Variants in CDC37L1 observed in about 807,000 individuals in gnomAD.
The protein encoded by CDC37L1 is cell division cycle 37 like 1, HSP90 cochaperone.
CDC37L1 carries 32 observed loss-of-function variants against 45.9 expected under a neutral mutation model. The ratio of observed to expected loss-of-function variants is 0.70; its 90% CI spans 0.53 to 0.94. The LOEUF is 0.94. CDC37L1 is among the 40% of genes least tolerant of loss of function. CDC37L1 has a pLI of 0.00. For synonymous variants in CDC37L1, 150 were observed against 133.0 expected (o/e 1.13, Z -0.88); for missense variants, 434 against 405.7 (o/e 1.07, Z -0.60).
intron 3 of CDC37L1, among the ~76,000 whole-genome samples, chr9:4,692,516 C>G (rs1020123335): frequency 4.6e-5 from 7 of 152,034 alleles, no homozygotes; most frequent in Admixed American, 4.6e-4. Flanking sequence ...ATGATCCGCC[C>G]GCCTCGGCCT....
chr9:4,705,868 C>A, intron 6 of CDC37L1, 143 bp from the exon 7 acceptor site: 1 of 413,080 alleles, frequency 2.4e-6, no homozygotes, highest in Non-Finnish European at 4.4e-6. Context: ...AAGTCTGTCT[C>A]CAAAGTCCAT....
At chr9:4,698,583 A>C (rs1237199940) in intron 5 of CDC37L1, among the ~76,000 whole-genome samples, 1 of 151,894 alleles carries the variant, frequency 6.6e-6, no homozygotes, top group Non-Finnish European at 1.5e-5. Context: ...TAGTGGAAGT[A>C]TAAATTGGAA....
rs1375982872 is a variant in CDC37L1 at position 4,697,630 on chromosome 9, G to GTA, written c.625-126_625-125dup. 4 of 564,018 alleles carry GTA rather than the reference G, an allele frequency of 7.1e-6. No individual in the cohort carries two copies. In the African/African-American group the frequency reaches 7.6e-5, roughly 11 times the overall value. The allele number at this position is 564,018 out of a possible 1,614,324, so 34.9% of individuals were successfully genotyped here. A position where few individuals can be genotyped will look rare whatever the true frequency, so the allele number is the denominator to read the frequency against. On this transcript the variant is annotated intron_variant, in intron 4 of 6. Transcript: ENST00000381854. ...ACTAAGATATACTCTTTATATGTTT[G>GTA]TAAAGTATTTGACTTATAACTTAAG...
intron 3 of CDC37L1, among the ~76,000 whole-genome samples, chr9:4,696,363 G>C (rs191421227): frequency 6.6e-6 from 1 of 152,088 alleles, no homozygotes; most frequent in Non-Finnish European, 1.5e-5. Flanking sequence ...TATTCAGTTA[G>C]CCAGGCACAG....
At chr9:4,694,672 AC>A in intron 3 of CDC37L1, among the ~76,000 whole-genome samples, 1 of 152,102 alleles carries the variant, frequency 6.6e-6, no homozygotes, top group Non-Finnish European at 1.5e-5. Flanking sequence ...GGAGTTCGAG[AC>A]CAGCCTGATC....
chr9:4,690,909 C>A (rs533143889), intron 3 of CDC37L1, among the ~76,000 whole-genome samples: 1 of 152,306 alleles, frequency 6.6e-6, no homozygotes, highest in Admixed American at 6.5e-5. Context: ...AACAAGAGAC[C>A]TGGAATACCT....
chr9:4,680,616 A>G (rs1475903924), intron 1 of CDC37L1, among the ~76,000 whole-genome samples: 1 of 48,678 alleles, frequency 2.1e-5, no homozygotes, highest in African/African-American at 2.0e-4. Flanking sequence ...TCCAAATGTG[A>G]TATACTATTA....
chr9:4,688,757 A>T (rs1015021363), intron 3 of CDC37L1, 151 bp downstream of exon 3: 3 of 380,210 alleles, frequency 7.9e-6, no homozygotes, highest in African/African-American at 4.4e-5. Flanking sequence ...TTGTTTTAGA[A>T]TTTTTTTTTT....
chr9:4,700,537 T>C (rs944695131), intron 5 of CDC37L1, among the ~76,000 whole-genome samples: 1 of 152,230 alleles, frequency 6.6e-6, no homozygotes, highest in Admixed American at 6.5e-5. Context: ...AACTGGTGTT[T>C]AATAAAATAA....
intron 2 of CDC37L1, among the ~76,000 whole-genome samples, chr9:4,687,332 G>A (rs1054874295): frequency 5.9e-5 from 9 of 152,014 alleles, no homozygotes; most frequent in African/African-American, 2.2e-4. Flanking sequence ...ATAGAAATTT[G>A]TACTTGACTT....
chr9:4,697,827 A>G lies in CDC37L1; in HGVS notation c.695A>G (p.Asn232Ser), dbSNP rs750511751. 1 of 1,612,490 alleles carries G rather than the reference A, an allele frequency of 6.2e-7. No individual in the cohort carries two copies. Among genetic ancestry groups the G allele is most frequent in the East Asian group, 2.2e-5 (1 of 44,820 alleles). ...CAGTTTATTATGGAAATGGCCAAAA[A>G]CTGTAATGTGGATCCAAGAGGGTGT... ...VMQFIMEMAK[N>S]CNVDPRGCFR... The change falls in exon 5 of 7, where the codon AAC becomes AGC. Residue 232 changes from asparagine to serine, a missense_variant. Asn to Ser is a conservative substitution (Grantham distance 46). Coordinates refer to ENST00000381854, the MANE Select transcript of CDC37L1 (RefSeq NM_017913.4).
intron 3 of CDC37L1, 60 bp from the exon 4 acceptor site, chr9:4,697,036 C>A: frequency 2.7e-6 from 2 of 744,252 alleles, no homozygotes; most frequent in South Asian, 3.1e-5. Flanking sequence ...GTTGGTATTT[C>A]TTCCCTTATG....
At chr9:4,702,779 C>T (rs1228671795) in intron 6 of CDC37L1, among the ~76,000 whole-genome samples, 1 of 150,326 alleles carries the variant, frequency 6.7e-6, no homozygotes, top group African/African-American at 2.4e-5. Context: ...GTCCCAGCTA[C>T]TCGGGAGGCT....
rs751602758 is a variant in CDC37L1 at position 4,679,764 on chromosome 9, G to A, written c.-4G>A. The A allele has an allele frequency of 1.3e-5, 21 of 1,610,160 alleles. No homozygotes were observed. Among genetic ancestry groups the A allele is most frequent in the Non-Finnish European group, 1.8e-5 (21 of 1,177,998 alleles). On this transcript the variant is annotated 5_prime_UTR_variant, in exon 1 of 7. Coordinates refer to ENST00000381854, the MANE Select transcript of CDC37L1 (RefSeq NM_017913.4). ...GGCGGTTGTAGGACCCGGAGCAGCC[G>A]GACATGGAACAACCGTGGCCGCCTC... is the stretch of plus-strand genomic sequence containing the variant.
intron 3 of CDC37L1, among the ~76,000 whole-genome samples, chr9:4,692,541 A>G (rs1245269899): frequency 6.6e-6 from 1 of 152,190 alleles, no homozygotes; most frequent in East Asian, 1.9e-4. Flanking sequence ...AAGTGCTGGG[A>G]TTACAGGCGT....
At chr9:4,682,024 G>A (rs1157389457) in intron 1 of CDC37L1, among the ~76,000 whole-genome samples, 1 of 152,118 alleles carries the variant, frequency 6.6e-6, no homozygotes, top group Non-Finnish European at 1.5e-5. Flanking sequence ...GTAGTTTGTG[G>A]AGAAATAAGA....
chr9:4,691,142 G>GTA (rs1235493825), intron 3 of CDC37L1, among the ~76,000 whole-genome samples: 1 of 152,166 alleles, frequency 6.6e-6, no homozygotes, highest in Admixed American at 6.5e-5. Context: ...GACTATATTG[G>GTA]TATACTCCTT....
chr9:4,684,113 G>A (rs1841223888), intron 1 of CDC37L1, among the ~76,000 whole-genome samples: 1 of 151,998 alleles, frequency 6.6e-6, no homozygotes. Flanking sequence ...GTGAAACCCT[G>A]TCTCTACTAA....
intron 3 of CDC37L1, among the ~76,000 whole-genome samples, chr9:4,696,164 A>C (rs1373482686): frequency 2.0e-5 from 3 of 152,142 alleles, no homozygotes; most frequent in African/African-American, 7.2e-5. Context: ...TATTCTCAGT[A>C]GGACATTTGT....
Sources: gnomAD v4.1 joint callset for allele counts (sites outside exome capture counted in the v4.1 genomes callset) on GRCh38, gnomAD v4.1.1 for gene constraint, MANE v1.5 for transcripts, NCBI Gene and HGNC (gene_info 2026-07-23, HGNC 2026-07-21) for gene names.